Variants in CARM1 observed in about 807,000 individuals in gnomAD.
CARM1 encodes histone-arginine methyltransferase CARM1.
In CARM1, 14 loss-of-function variants were observed where a neutral mutation model predicts 72.7. That is an observed-to-expected ratio of 0.19 (90% CI 0.13 to 0.30). The LOEUF (loss-of-function observed/expected upper bound fraction) is 0.30, where lower values mean the gene tolerates loss of function less well. CARM1 is among the 10% of genes least tolerant of loss of function. The probability of loss-of-function intolerance (pLI) is 1.00; values close to 1 mark genes in which losing one functional copy is unlikely to be tolerated. For synonymous variants in CARM1, 333 were observed against 345.5 expected (o/e 0.96, Z 0.40); for missense variants, 432 against 833.7 (o/e 0.52, Z 5.93).
In CARM1 at chr19:10,890,803, T is replaced by A. The variant is rs1190445685; in HGVS notation, c.221-14148T>A. Among the ~76,000 whole-genome samples the A allele has an allele frequency of 6.9e-5, 9 of 130,354 alleles. No homozygotes were observed. The South Asian group carries it at 7.8e-4, about 11-fold the overall frequency. 85.5% of individuals were successfully genotyped at this position (130,354 alleles called of 152,430 possible). A position where few individuals can be genotyped will look rare whatever the true frequency, so the allele number is the denominator to read the frequency against. On this transcript the variant is annotated intron_variant, in intron 1 of 15. Coordinates refer to ENST00000327064, the MANE Select transcript of CARM1 (RefSeq NM_199141.2). ...TATATATATATATATATATTTTTTTTTTTTTTTTTTTTTTTTTCTTGGTAT... is the reference window on the plus strand; with the variant it reads ...TATATATATATATATATATTTTTTTATTTTTTTTTTTTTTTTTCTTGGTAT...
Position 10,912,371 on chromosome 19 carries a change from G to T in CARM1, c.669+77G>T. On this transcript the variant is annotated intron_variant, in intron 5 of 15. Transcript: ENST00000327064. The surrounding 1 kb of genome is among the most constrained non-coding windows in gnomAD (Gnocchi z 4.5). ...TGCCGGCCCCAGCCTAGAGAAGCTT[G>T]GGAACCCCCAGGGGCCTGGGGACAT... is the stretch of plus-strand genomic sequence containing the variant. 9.0e-7 allele frequency: 1 copy of T among 1,108,458 alleles called. No individual in the cohort carries two copies. Among genetic ancestry groups the T allele is most frequent in the South Asian group, 1.2e-5 (1 of 81,050 alleles). 68.7% of individuals were successfully genotyped at this position (1,108,458 alleles called of 1,614,324 possible).
At chr19:10,882,530 CTG>C (rs927287674) in intron 1 of CARM1, among the ~76,000 whole-genome samples, 4 of 133,868 alleles carry the variant, frequency 3.0e-5, no homozygotes, top group African/African-American at 1.1e-4. Flanking sequence ...CCAGTGCACT[CTG>C]TCTTTTTTTT....
At chr19:10,894,739 CTCTTT>C (rs1408539730) in intron 1 of CARM1, among the ~76,000 whole-genome samples, 2 of 141,560 alleles carry the variant, frequency 1.4e-5, no homozygotes, top group Non-Finnish European at 3.1e-5. Flanking sequence ...TTCTCTCTCT[CTCTTT>C]TTTTTTTTCT....
chr19:10,905,942 C>CCTTT (rs747640864), intron 2 of CARM1, among the ~76,000 whole-genome samples: 1 of 103,444 alleles, frequency 9.7e-6, no homozygotes, highest in South Asian at 3.2e-4. Flanking sequence ...TGCCCGGCCC[C>CCTTT]TTTTTTTTTT....
Position 10,912,385 on chromosome 19 carries a change from G to T in CARM1, c.669+91G>T. ...TAGAGAAGCTTGGGAACCCCCAGGG[G>T]CCTGGGGACATTACTTCTGTGCTTT... On this transcript the variant is annotated intron_variant, in intron 5 of 15. Coordinates refer to ENST00000327064, the MANE Select transcript of CARM1 (RefSeq NM_199141.2). This position sits in a 1 kb window ranked among gnomAD's most constrained non-coding sequence, Gnocchi z 4.5. 3.3e-6 allele frequency: 3 copies of T among 897,128 alleles called. No individual in the cohort carries two copies. Among genetic ancestry groups the T allele is most frequent in the Non-Finnish European group, 3.7e-6 (2 of 542,522 alleles). The allele number at this position is 897,128 out of a possible 1,614,324, so 55.6% of individuals were successfully genotyped here.
intron 4 of CARM1, among the ~76,000 whole-genome samples, chr19:10,910,483 A>C (rs2074140173): frequency 6.6e-6 from 1 of 151,900 alleles, no homozygotes; most frequent in South Asian, 2.1e-4. Flanking sequence ...TCCGTCTTAA[A>C]AAAAAAAAGT....
chr19:10,921,598 C>T lies in CARM1; in HGVS notation c.1685-17C>T, dbSNP rs1473071203. ...GCGGGCCAGGGCAGCCCCTCACTGC[C>T]ATTGCCTGCTCCACAGGGTCCTCCG... On this transcript the variant is annotated splice_polypyrimidine_tract_variant and intron_variant, in intron 15 of 15. Transcript: ENST00000327064. 2 of 1,603,400 alleles carry T rather than the reference C, an allele frequency of 1.2e-6. No individual in the cohort carries two copies. The highest frequency in any genetic ancestry group is 1.7e-6 in the Non-Finnish European group (2 of 1,173,474).
At chr19:10,898,550 C>G (rs1159561687) in intron 1 of CARM1, among the ~76,000 whole-genome samples, 1 of 152,238 alleles carries the variant, frequency 6.6e-6, no homozygotes, top group African/African-American at 2.4e-5. Context: ...GGGTCCTGCC[C>G]CCTTCCGCGG....
intron 1 of CARM1, among the ~76,000 whole-genome samples, chr19:10,890,793 ATATTTTTT>A (rs2073981601): frequency 3.6e-5 from 3 of 83,788 alleles, no homozygotes; most frequent in Admixed American, 1.5e-4. Context: ...ATATATATAT[ATATTTTTT>A]TTTTTTTTTT....
At chr19:10,921,214 G>A in intron 14 of CARM1, 87 bp downstream of exon 14, 4 of 1,475,718 alleles carry the variant, frequency 2.7e-6, no homozygotes, top group Non-Finnish European at 3.8e-6. Context: ...ACCAGGGTCG[G>A]CCTCTGCTTG....
intron 1 of CARM1, among the ~76,000 whole-genome samples, chr19:10,886,418 A>G (rs1203439784): frequency 1.3e-5 from 2 of 148,854 alleles, no homozygotes; most frequent in African/African-American, 2.5e-5. Flanking sequence ...ATGCTCTCCA[A>G]CTCCTGGGCT....
intron 1 of CARM1, among the ~76,000 whole-genome samples, chr19:10,888,528 T>G (rs959784780): frequency 1.7e-4 from 26 of 152,132 alleles, no homozygotes; most frequent in African/African-American, 5.1e-4. Flanking sequence ...AAATCACAGC[T>G]TCAAAGTCTT....
intron 1 of CARM1, among the ~76,000 whole-genome samples, chr19:10,885,425 C>T (rs1490617818): frequency 3.3e-5 from 5 of 152,130 alleles, no homozygotes; most frequent in Non-Finnish European, 2.9e-5. Flanking sequence ...TCATTTTTGC[C>T]GGATGTGTTA....
chr19:10,905,608 A>G (rs947425088), intron 2 of CARM1, among the ~76,000 whole-genome samples: 15 of 152,190 alleles, frequency 9.9e-5, no homozygotes, highest in African/African-American at 3.6e-4. Flanking sequence ...TGAAGGTCCC[A>G]CCGCAGGCTT....
intron 1 of CARM1, among the ~76,000 whole-genome samples, chr19:10,898,569 C>T (rs2145212034): frequency 6.6e-6 from 1 of 152,404 alleles, no homozygotes; most frequent in South Asian, 2.1e-4. Context: ...GGCTCCCATA[C>T]TGCTCCTCCC....
At chr19:10,917,718 CTTTTTTT>C (rs1164032277) in intron 8 of CARM1, among the ~76,000 whole-genome samples, 4 of 129,826 alleles carry the variant, frequency 3.1e-5, no homozygotes, top group African/African-American at 8.5e-5. Flanking sequence ...TTTTCTTTTT[CTTTTTTT>C]TTTTTTTTTT....
intron 1 of CARM1, among the ~76,000 whole-genome samples, chr19:10,876,252 C>T (rs1013592303): frequency 5.3e-5 from 8 of 152,216 alleles, no homozygotes; most frequent in Non-Finnish European, 2.9e-5. Context: ...TCTTGAACTC[C>T]TGGGCTCAAG....
chr19:10,884,265 C>G (rs568539990), intron 1 of CARM1, among the ~76,000 whole-genome samples: 1 of 150,332 alleles, frequency 6.7e-6, no homozygotes, highest in Admixed American at 6.7e-5. Flanking sequence ...CTCTTGAACC[C>G]AGGAGATGGA....
intron 1 of CARM1, among the ~76,000 whole-genome samples, chr19:10,880,879 C>A (rs2073897494): frequency 6.8e-6 from 1 of 147,934 alleles, no homozygotes; most frequent in Admixed American, 6.6e-5. Context: ...AATACTTCAC[C>A]CCAGTTGGGC....
Sources: gnomAD v4.1 joint callset for allele counts (sites outside exome capture counted in the v4.1 genomes callset) on GRCh38, gnomAD v4.1.1 for gene constraint, Gnocchi (gnomAD v3.1) non-coding constraint, MANE v1.5 for transcripts, NCBI Gene and HGNC (gene_info 2026-07-23, HGNC 2026-07-21) for gene names.